Variants in IGSF10 observed in about 807,000 individuals in gnomAD.
The protein encoded by IGSF10 is calvaria mechanical force protein 608.
In IGSF10, 126 loss-of-function variants were observed where a neutral mutation model predicts 128.2. The ratio of observed to expected loss-of-function variants is 0.98; its 90% confidence interval spans 0.85 to 1.14. IGSF10 has a LOEUF of 1.14. IGSF10 is among the 50% of genes most tolerant of loss of function. IGSF10 has a pLI of 0.00. For missense variants in IGSF10, 3,295 were observed against 3,149.8 expected (o/e 1.05, Z -1.10); for synonymous variants, 1,185 against 1,146.2 (o/e 1.03, Z -0.68).
the IGSF10 span, among the ~76,000 whole-genome samples, chr3:151,608,926 G>GT: frequency 6.6e-6 from 1 of 152,172 alleles, no homozygotes; most frequent in Non-Finnish European, 1.5e-5. Flanking sequence ...CACCTGTAGA[G>GT]GGTTTTGTTT....
the IGSF10 span, among the ~76,000 whole-genome samples, chr3:151,512,806 C>T: frequency 6.6e-6 from 1 of 152,272 alleles, no homozygotes; most frequent in South Asian, 2.1e-4. Flanking sequence ...CACAGAAATA[C>T]AAACTACCAT....
chr3:151,487,877 T>C, the IGSF10 span, among the ~76,000 whole-genome samples: 1 of 152,164 alleles, frequency 6.6e-6, no homozygotes, highest in South Asian at 2.1e-4. Flanking sequence ...AATATCATAC[T>C]GAATGGGCAA....
the IGSF10 span, among the ~76,000 whole-genome samples, chr3:151,516,013 C>T: frequency 3.5e-4 from 53 of 151,988 alleles, no homozygotes; most frequent in African/African-American, 1.1e-3. Context: ...TATTCATTTT[C>T]ACCAGATAAA....
chr3:151,610,367 T>C, the IGSF10 span, among the ~76,000 whole-genome samples: 2 of 152,308 alleles, frequency 1.3e-5, no homozygotes, highest in East Asian at 3.9e-4. Flanking sequence ...AATAAATGAG[T>C]ACTCTAGGAT....
the IGSF10 span, among the ~76,000 whole-genome samples, chr3:151,498,232 G>C: frequency 1.3e-5 from 2 of 152,278 alleles, no homozygotes; most frequent in African/African-American, 4.8e-5. Context: ...TGGTGAGAGA[G>C]GGCATCCCTG....
At chr3:151,443,933 T>A in intron 6 of IGSF10, 49 bp from the exon 7 acceptor site, 1 of 1,433,840 alleles carries the variant, frequency 7.0e-7, no homozygotes, top group Non-Finnish European at 9.4e-7. Flanking sequence ...AAAGTTTATT[T>A]AGAAAACATA....
At chr3:151,478,496 C>T in the IGSF10 span, among the ~76,000 whole-genome samples, 1 of 152,140 alleles carries the variant, frequency 6.6e-6, no homozygotes, top group Admixed American at 6.5e-5. Context: ...GTGCAGTATT[C>T]CATGAGAATC....
the IGSF10 span, among the ~76,000 whole-genome samples, chr3:151,572,070 C>T: frequency 4.9e-4 from 74 of 152,266 alleles, no homozygotes; most frequent in Non-Finnish European, 8.2e-4. Flanking sequence ...GGGATGAAGG[C>T]GACTTGATCG....
At position 151,449,197 on chromosome 3, in the gene IGSF10, T is replaced by C; in HGVS notation, c.784A>G (p.Arg262Gly). 6.2e-7 allele frequency: 1 copy of C among 1,614,114 alleles called. No homozygotes were observed. The highest frequency in any genetic ancestry group is 8.5e-7 in the Non-Finnish European group (1 of 1,180,014). ...GCTAACGGCTTGCCTTTAGAAGTCC[T>C]AGGGTTCATGCAAAGTGGACACTGC... is the stretch of plus-strand genomic sequence containing the variant. ...AQQCPLCMNP[R>G]TSKGKPLAMV... is the part of the protein sequence containing the mutation. Residue 262 changes from arginine to glycine, a missense_variant, in exon 6 of 8, where the codon AGG (arginine) becomes GGG (glycine). By Grantham distance (125) the Arg-to-Gly change is moderately radical. Transcript: ENST00000282466.
the IGSF10 span, among the ~76,000 whole-genome samples, chr3:151,569,619 A>C: frequency 6.6e-6 from 1 of 152,186 alleles, no homozygotes; most frequent in African/African-American, 2.4e-5. Flanking sequence ...ATGCAGCCAC[A>C]AAGTCCTGCC....
chr3:151,510,427 T>C, the IGSF10 span, among the ~76,000 whole-genome samples: 1 of 151,996 alleles, frequency 6.6e-6, no homozygotes, highest in Admixed American at 6.6e-5. Flanking sequence ...GAAGGAAAAC[T>C]AACAAACAGA....
chr3:151,575,743 C>T, the IGSF10 span, among the ~76,000 whole-genome samples: 1 of 152,154 alleles, frequency 6.6e-6, no homozygotes, highest in South Asian at 2.1e-4. Flanking sequence ...ACTGTCCAAC[C>T]AGTCCCAATG....
downstream of IGSF10, chr3:151,433,222 C>G (rs949349005): frequency 7.8e-5 from 12 of 154,822 alleles, no homozygotes; most frequent in Admixed American, 7.2e-4. Flanking sequence ...CTGGACCAAA[C>G]TACTGATTTG....
chr3:151,479,269 T>A, the IGSF10 span, among the ~76,000 whole-genome samples: 1 of 152,026 alleles, frequency 6.6e-6, no homozygotes, highest in Non-Finnish European at 1.5e-5. Flanking sequence ...CAAGTCTTAA[T>A]GAGAAAAATG....
the IGSF10 span, among the ~76,000 whole-genome samples, chr3:151,607,934 A>G: frequency 3.7e-4 from 56 of 150,368 alleles, no homozygotes; most frequent in African/African-American, 1.3e-3. Flanking sequence ...AAAAAAAAAA[A>G]AAAGAAATGG....
At chr3:151,525,876 C>G in the IGSF10 span, among the ~76,000 whole-genome samples, 3 of 152,088 alleles carry the variant, frequency 2.0e-5, no homozygotes, top group African/African-American at 7.2e-5. Flanking sequence ...AATCCCTTCA[C>G]TTTTTTTTCC....
Position 151,445,540 on chromosome 3 carries a change from A to AG in IGSF10, c.4440dup (p.Phe1481LeufsTer8), listed in dbSNP as rs781331364. ...TTGTCAGTAACTGCTCTCTGAGTAA[A>AG]GGGAGGGGAGATGGGAACTGGCATT... On this transcript the variant is annotated frameshift_variant, in exon 6 of 8. Transcript: ENST00000282466. LOFTEE classifies it high-confidence loss of function. 6.2e-7 allele frequency: 1 copy of AG among 1,614,178 alleles called. No homozygotes were observed. The highest frequency in any genetic ancestry group is 1.1e-5 in the South Asian group (1 of 91,082).
chr3:151,525,308 T>C, the IGSF10 span, among the ~76,000 whole-genome samples: 1 of 152,184 alleles, frequency 6.6e-6, no homozygotes. Context: ...ATGCATAACA[T>C]GTACATTTTA....
At chr3:151,519,106 T>C in the IGSF10 span, among the ~76,000 whole-genome samples, 15 of 151,978 alleles carry the variant, frequency 9.9e-5, no homozygotes, top group Non-Finnish European at 1.2e-4. Context: ...GTATTTGTAT[T>C]AGTTAGCTAT....
Sources: gnomAD v4.1 joint callset for allele counts (sites outside exome capture counted in the v4.1 genomes callset) on GRCh38, gnomAD v4.1.1 for gene constraint, MANE v1.5 for transcripts, NCBI Gene and HGNC (gene_info 2026-07-23, HGNC 2026-07-21) for gene names.